CSDE1: variants seen among roughly 807,000 people sequenced by gnomAD.
CSDE1 encodes cold shock domain-containing protein E1.
Under a neutral mutation model 89.3 loss-of-function variants are expected in CSDE1, and 17 were observed. That is an observed-to-expected ratio of 0.19 (90% CI 0.13 to 0.29). The LOEUF is 0.29. Among genes scored for constraint, CSDE1 ranks in the 10% least tolerant of loss-of-function variants. The pLI, the probability that CSDE1 is intolerant of heterozygous loss-of-function variation, is 1.00. For missense variants in CSDE1, 672 were observed against 984.2 expected (o/e 0.68, Z 4.24); for synonymous variants, 322 against 332.8 (o/e 0.97, Z 0.35).
intron 3 of CSDE1, among the ~76,000 whole-genome samples, chr1:114,738,661 C>CTTTTTTTTTTTTTTTTTTT (rs752985259): frequency 2.5e-5 from 2 of 80,026 alleles, no homozygotes; most frequent in African/African-American, 5.2e-5. Context: ...CATGTAAAAA[C>CTTTTTTTTTTTTTTTTTTT]TTTTTTTTTT....
intron 2 of CSDE1, among the ~76,000 whole-genome samples, chr1:114,749,597 G>A (rs915694318): frequency 3.3e-5 from 5 of 152,238 alleles, no homozygotes; most frequent in African/African-American, 1.2e-4. Context: ...CCAGCAAGTC[G>A]AGAGATCAGC....
In CSDE1 at chr1:114,730,541, A is replaced by G. The variant is rs763060888; in HGVS notation, c.1158T>C (p.His386=). The change falls in exon 11 of 20, where the codon CAT becomes CAC. Residue 386 remains histidine (H), a synonymous_variant. Coordinates refer to ENST00000358528, the MANE Select transcript of CSDE1 (RefSeq NM_001007553.3). ...FSEILDGNQL[H]IADEVEFTVV... is the part of the protein sequence containing the mutation. ...CAGTAAACTCTACTTCATCTGCAAT[A>G]TGGAGCTGGTTCCCATCCAGAATTT... is the stretch of plus-strand genomic sequence containing the variant. 1.2e-6 allele frequency: 2 copies of G among 1,614,138 alleles called. No homozygotes were observed. The highest frequency in any genetic ancestry group is 1.7e-6 in the Non-Finnish European group (2 of 1,180,034).
chr1:114,749,183 A>T (rs1359187714), intron 2 of CSDE1, among the ~76,000 whole-genome samples: 1 of 151,822 alleles, frequency 6.6e-6, no homozygotes, highest in Non-Finnish European at 1.5e-5. Flanking sequence ...CCTCCTCCTT[A>T]CCTCCAAGGG....
Position 114,723,754 on chromosome 1 carries a change from G to A in CSDE1, c.1873+129C>T, listed in dbSNP as rs1659653025. ...ATAAAAATAAAAAGCAAGCATGAGA[G>A]AGGTCACTTTTCCTTAATTCAGTTT... is the stretch of plus-strand genomic sequence containing the variant. On this transcript the variant is annotated intron_variant, in intron 16 of 19. Coordinates refer to ENST00000358528, the MANE Select transcript of CSDE1 (RefSeq NM_001007553.3). 4 of 1,274,962 alleles carry A rather than the reference G, an allele frequency of 3.1e-6. No individual in the cohort carries two copies. In the Admixed American group the frequency reaches 7.3e-5, roughly 23 times the overall value. The allele number at this position is 1,274,962 out of a possible 1,614,324, so 79.0% of individuals were successfully genotyped here. A position where few individuals can be genotyped will look rare whatever the true frequency, so the allele number is the denominator to read the frequency against.
At chr1:114,725,144 C>G in intron 15 of CSDE1, 77 bp downstream of exon 15, 4 of 1,046,526 alleles carry the variant, frequency 3.8e-6, no homozygotes, top group Non-Finnish European at 6.0e-6. Flanking sequence ...AATAATTAGG[C>G]CTCATCTCCC....
chr1:114,734,635 T>C, intron 6 of CSDE1, 112 bp from the exon 7 acceptor site: 1 of 731,516 alleles, frequency 1.4e-6, no homozygotes, highest in Non-Finnish European at 2.3e-6. Flanking sequence ...AAGAATTCTA[T>C]CATCACTAAG....
At chr1:114,749,295 TATTC>T (rs36194444) in intron 2 of CSDE1, among the ~76,000 whole-genome samples, 106,598 of 151,796 alleles carry the variant, frequency 0.7, 38,737 homozygotes, top group East Asian at 0.98. Context: ...ATTAGTATCT[TATTC>T]ATTCGTTATA....
At chr1:114,751,212 TA>T (rs1347339890) in intron 1 of CSDE1, among the ~76,000 whole-genome samples, 3 of 152,168 alleles carry the variant, frequency 2.0e-5, no homozygotes. Context: ...AGAAGAGAAA[TA>T]AAATTTATTT....
chr1:114,747,836 C>T (rs535279786), intron 2 of CSDE1, among the ~76,000 whole-genome samples: 73 of 151,168 alleles, frequency 4.8e-4, no homozygotes, highest in East Asian at 1.7e-3. Context: ...CCAGCCTTGG[C>T]GACAGAGCAA....
Position 114,717,971 on chromosome 1 carries a change from G to A in CSDE1, c.*198C>T, listed in dbSNP as rs1034353619. 17 of 572,410 alleles carry A rather than the reference G, an allele frequency of 3.0e-5. No homozygotes were observed. Among genetic ancestry groups the A allele is most frequent in the Non-Finnish European group, 3.9e-5 (13 of 331,536 alleles). 35.5% of individuals were successfully genotyped at this position (572,410 alleles called of 1,614,324 possible). A position where few individuals can be genotyped will look rare whatever the true frequency, so the allele number is the denominator to read the frequency against. On this transcript the variant is annotated 3_prime_UTR_variant, in exon 20 of 20. Transcript: ENST00000358528. Reference sequence around the variant, plus strand: ...TTAAGTTTTTCCAGGCTGCAACTGTGCATTATTTAAAATGGTTTTCTTAAA... The same window carrying A: ...TTAAGTTTTTCCAGGCTGCAACTGTACATTATTTAAAATGGTTTTCTTAAA...
chr1:114,739,188 C>T (rs1479015517), intron 3 of CSDE1, among the ~76,000 whole-genome samples: 3 of 152,040 alleles, frequency 2.0e-5, no homozygotes, highest in East Asian at 1.9e-4. Flanking sequence ...CCTGCCACCA[C>T]GCCCAGCTAA....
In CSDE1 at chr1:114,730,662, A is replaced by G. The variant is rs1267078063; in HGVS notation, c.1051-14T>C. 1 of 1,611,372 alleles carries G rather than the reference A, an allele frequency of 6.2e-7. No individual in the cohort carries two copies. The highest frequency in any genetic ancestry group is 8.5e-7 in the Non-Finnish European group (1 of 1,178,568). Reference sequence around the variant, plus strand: ...AGCAATCACACCCTGAAACCCAAATAATATTTTCACTGGCTGTGAAACTTG... The same window carrying G: ...AGCAATCACACCCTGAAACCCAAATGATATTTTCACTGGCTGTGAAACTTG... On this transcript the variant is annotated splice_polypyrimidine_tract_variant and intron_variant, in intron 10 of 19. Coordinates refer to ENST00000358528, the MANE Select transcript of CSDE1 (RefSeq NM_001007553.3).
chr1:114,730,687 G>C, intron 10 of CSDE1, 39 bp from the exon 11 acceptor site: 1 of 1,606,348 alleles, frequency 6.2e-7, no homozygotes. Context: ...TGTGAAACTT[G>C]TCAAGAAGGC....
At chr1:114,741,851 T>A (rs1660743417) in intron 2 of CSDE1, among the ~76,000 whole-genome samples, 1 of 152,192 alleles carries the variant, frequency 6.6e-6, no homozygotes, top group South Asian at 2.1e-4. Flanking sequence ...TTAAAGCCAT[T>A]AAAACATACG....
chr1:114,726,176 A>T, intron 14 of CSDE1, 35 bp downstream of exon 14: 1 of 1,558,194 alleles, frequency 6.4e-7, no homozygotes, highest in Non-Finnish European at 8.7e-7. Context: ...ATGGATGGTA[A>T]GTTAGCTGTA....
Position 114,720,570 on chromosome 1 carries a change from C to T in CSDE1, c.2021G>A (p.Arg674His), listed in dbSNP as rs1306278892. 2.5e-6 allele frequency: 4 copies of T among 1,614,040 alleles called. No homozygotes were observed. Among genetic ancestry groups the T allele is most frequent in the East Asian group, 2.2e-5 (1 of 44,872 alleles). Reference protein sequence around the residue: ...QTMAYNITPLRRATVECVKDQ... With the variant: ...QTMAYNITPLHRATVECVKDQ... The stretch of plus-strand genomic sequence containing the variant: ...TTTCACACATTCCACTGTGGCCCTG[C>T]GCAGGGGTGTGATGTTGTAAGCCAT... The change falls in exon 17 of 20, where the codon CGC becomes CAC. Residue 674 changes from arginine (R) to histidine (H), a missense_variant. This residue lies in a region of CSDE1 where 206 missense variants were observed against 332.4 expected (regional missense o/e 0.62). Transcript: ENST00000358528.
At chr1:114,741,903 G>A (rs1660746062) in intron 2 of CSDE1, among the ~76,000 whole-genome samples, 1 of 152,162 alleles carries the variant, frequency 6.6e-6, no homozygotes, top group South Asian at 2.1e-4. Context: ...GACTCTTGAT[G>A]GTTGTTGGAG....
chr1:114,720,812 T>C (rs984126503), intron 16 of CSDE1, 95 bp from the exon 17 acceptor site: 7 of 1,071,910 alleles, frequency 6.5e-6, no homozygotes, highest in Middle Eastern at 2.1e-4. Flanking sequence ...AAATGTGTTA[T>C]GTTACTTAAA....
At chr1:114,720,769 C>A in intron 16 of CSDE1, 52 bp from the exon 17 acceptor site, 2 of 1,534,840 alleles carry the variant, frequency 1.3e-6, no homozygotes, top group Non-Finnish European at 1.8e-6. Flanking sequence ...CAGTCCTCTG[C>A]TGATGACCCT....
Sources: allele counts gnomAD v4.1 joint callset (sites outside exome capture counted in the v4.1 genomes callset), GRCh38; gene constraint gnomAD v4.1.1; regional missense constraint gnomAD v4.1.1; transcripts MANE v1.5; gene names NCBI Gene and HGNC (gene_info 2026-07-23, HGNC 2026-07-21).